RNF10: variants seen among roughly 807,000 people sequenced by gnomAD.
The protein encoded by RNF10 is ring finger protein 10.
Under a neutral mutation model 91.4 loss-of-function variants are expected in RNF10, and 38 were observed. The ratio of observed to expected loss-of-function variants is 0.42; its 90% CI spans 0.32 to 0.54. The LOEUF (loss-of-function observed/expected upper bound fraction) is 0.54, where lower values mean the gene tolerates loss of function less well. Among genes scored for constraint, RNF10 ranks in the 20% least tolerant of loss-of-function variants. RNF10 has a pLI of 0.16. For synonymous variants in RNF10, 364 were observed against 366.3 expected (o/e 0.99, Z 0.07); for missense variants, 945 against 1,012.0 (o/e 0.93, Z 0.90).
chr12:120,555,797 C>CTT (rs371682626), intron 4 of RNF10, among the ~76,000 whole-genome samples: 1 of 145,172 alleles, frequency 6.9e-6, no homozygotes, highest in African/African-American at 2.5e-5. Flanking sequence ...TACCTGGCCT[C>CTT]TTTTTTTTTT....
intron 1 of RNF10, among the ~76,000 whole-genome samples, chr12:120,540,352 C>G (rs568001438): frequency 6.6e-6 from 1 of 152,056 alleles, no homozygotes; most frequent in Non-Finnish European, 1.5e-5. Flanking sequence ...GGTGTGCAGC[C>G]AGGATTGAGA....
At chr12:120,574,289 A>G (rs934771234) in intron 14 of RNF10, among the ~76,000 whole-genome samples, 1 of 151,974 alleles carries the variant, frequency 6.6e-6, no homozygotes, top group Non-Finnish European at 1.5e-5. Context: ...CCCTGCTTGA[A>G]CCCCATGGGG....
intron 6 of RNF10, among the ~76,000 whole-genome samples, chr12:120,557,918 T>C (rs1369289705): frequency 6.6e-6 from 1 of 152,214 alleles, no homozygotes; most frequent in African/African-American, 2.4e-5. Flanking sequence ...TATTACATAG[T>C]GTCTTTCACT....
At chr12:120,574,908 CAA>C (rs1465827114) in intron 14 of RNF10, 1 of 192,394 alleles carries the variant, frequency 5.2e-6, no homozygotes, top group Non-Finnish European at 1.1e-5. Flanking sequence ...GCCTGGGCAA[CAA>C]GAGCGAAACT....
chr12:120,544,810 A>G (rs1872073899), intron 1 of RNF10, among the ~76,000 whole-genome samples: 1 of 152,258 alleles, frequency 6.6e-6, no homozygotes, highest in African/African-American at 2.4e-5. Flanking sequence ...ATAATCACCT[A>G]AGCCTCTGTG....
intron 13 of RNF10, among the ~76,000 whole-genome samples, chr12:120,570,775 A>G (rs369960872): frequency 2.0e-5 from 3 of 152,218 alleles, no homozygotes; most frequent in African/African-American, 4.8e-5. Flanking sequence ...CATAGTGTCT[A>G]CTATCGGGAA....
chr12:120,537,567 G>A (rs910901043), intron 1 of RNF10, among the ~76,000 whole-genome samples: 1 of 152,176 alleles, frequency 6.6e-6, no homozygotes, highest in Non-Finnish European at 1.5e-5. Flanking sequence ...GGCGGAGGTT[G>A]CAGTAAGCCA....
chr12:120,556,928 G>A (rs548827574), intron 4 of RNF10, among the ~76,000 whole-genome samples: 114 of 151,880 alleles, frequency 7.5e-4, no homozygotes, highest in Admixed American at 2.0e-3. Context: ...CGAGGCGGGC[G>A]GATCACAAGG....
intron 3 of RNF10, among the ~76,000 whole-genome samples, chr12:120,552,917 T>G (rs1873334626): frequency 6.6e-6 from 1 of 152,062 alleles, no homozygotes; most frequent in Non-Finnish European, 1.5e-5. Context: ...TAACTTAGTA[T>G]CATGATAAGG....
At chr12:120,567,822 A>AC (rs1555229505) in intron 13 of RNF10, among the ~76,000 whole-genome samples, 1 of 152,084 alleles carries the variant, frequency 6.6e-6, no homozygotes, top group Admixed American at 6.6e-5. Context: ...TTTTAAAAAA[A>AC]CACCACCACC....
chr12:120,534,718 C>G lies in RNF10; in HGVS notation c.-94C>G. On this transcript the variant is annotated 5_prime_UTR_variant, in exon 1 of 17. Coordinates refer to ENST00000325954, the MANE Select transcript of RNF10 (RefSeq NM_014868.5). ...CGCCATGAAGGCCGAGAACCGCTGC[C>G]GCCGCCGACCCCCGCCGGCCCTGAA... The G allele has an allele frequency of 7.1e-7, 1 of 1,406,236 alleles. No homozygotes were observed. The highest frequency in any genetic ancestry group is 9.2e-7 in the Non-Finnish European group (1 of 1,091,772). 87.1% of individuals were successfully genotyped at this position (1,406,236 alleles called of 1,614,324 possible). A position where few individuals can be genotyped will look rare whatever the true frequency, so the allele number is the denominator to read the frequency against.
chr12:120,543,314 A>G (rs1871835908), intron 1 of RNF10, among the ~76,000 whole-genome samples: 1 of 152,168 alleles, frequency 6.6e-6, no homozygotes. Flanking sequence ...CATCTGTGTG[A>G]TTCCTATGAA....
chr12:120,559,570 A>G (rs917608100), intron 6 of RNF10, among the ~76,000 whole-genome samples: 4 of 151,990 alleles, frequency 2.6e-5, no homozygotes, highest in Admixed American at 6.6e-5. Context: ...TTTTTAGTAG[A>G]GACGGGGTTT....
In RNF10 at chr12:120,562,981, A is replaced by G; in HGVS notation, c.1165A>G (p.Arg389Gly). 2 of 1,614,150 alleles carry G rather than the reference A, an allele frequency of 1.2e-6. No individual in the cohort carries two copies. Among genetic ancestry groups the G allele is most frequent in the Non-Finnish European group, 1.7e-6 (2 of 1,180,002 alleles). ...GGCTCTGTCGGGATTGGCCGGAAGC[A>G]GAAGGGAGGTCACTGGTGTTGTGGC... is the stretch of plus-strand genomic sequence containing the variant. ...EEALSGLAGS[R>G]REVTGVVAAL... Residue 389 changes from arginine to glycine, a missense_variant, in exon 8 of 17, where the codon AGA becomes GGA. Coordinates refer to ENST00000325954, the MANE Select transcript of RNF10 (RefSeq NM_014868.5).
chr12:120,545,489 GCCATTTTTAAAAAGGATATGA>G (rs1219655384), intron 1 of RNF10, among the ~76,000 whole-genome samples: 10 of 151,676 alleles, frequency 6.6e-5, no homozygotes, highest in Admixed American at 1.3e-4. Context: ...ACCGCGCCTG[GCCATTTTTAAAAAGGATATGA>G]CTCAATCTGA....
intron 2 of RNF10, among the ~76,000 whole-genome samples, chr12:120,550,819 A>G (rs868437004): frequency 5.7e-4 from 87 of 151,766 alleles, no homozygotes; most frequent in African/African-American, 2.0e-3. Context: ...GGTGGTCTCG[A>G]TCTCCTGACC....
At chr12:120,554,625 A>G in intron 3 of RNF10, 93 bp from the exon 4 acceptor site, 1 of 991,976 alleles carries the variant, frequency 1.0e-6, no homozygotes, top group Non-Finnish European at 1.6e-6. Flanking sequence ...AATGGCCTGC[A>G]TTTGATTTCT....
chr12:120,577,320 C>G lies in RNF10; in HGVS notation c.*654C>G. The G allele has an allele frequency of 2.6e-6, 1 of 383,724 alleles. No homozygotes were observed. The highest frequency in any genetic ancestry group is 5.0e-6 in the Non-Finnish European group (1 of 198,066). 23.8% of individuals were successfully genotyped at this position (383,724 alleles called of 1,614,324 possible). On this transcript the variant is annotated 3_prime_UTR_variant, in exon 17 of 17. Transcript: ENST00000325954. ...TGAGTTGGTAAGGAAAGCTGTAACT[C>G]ACGAAGCCCTGAGACCTGCTACCCC...
At position 120,577,279 on chromosome 12, in the gene RNF10, C is replaced by T. The variant is rs746452403; in HGVS notation, c.*613C>T. On this transcript the variant is annotated 3_prime_UTR_variant, in exon 17 of 17. Coordinates refer to ENST00000325954, the MANE Select transcript of RNF10 (RefSeq NM_014868.5). ...CATGTGTGAAAGGAGGGTTTTGCCTCTTCTTGAGCATGGCTTGAGTTGGTA... is the reference window on the plus strand; with the variant it reads ...CATGTGTGAAAGGAGGGTTTTGCCTTTTCTTGAGCATGGCTTGAGTTGGTA... 2.7e-4 allele frequency: 113 copies of T among 421,868 alleles called. No individual in the cohort carries two copies. The highest frequency in any genetic ancestry group is 1.4e-3 in the Middle Eastern group (4 of 2,866). The allele number at this position is 421,868 out of a possible 1,614,324, so 26.1% of individuals were successfully genotyped here. A position where few individuals can be genotyped will look rare whatever the true frequency, so the allele number is the denominator to read the frequency against.
Sources: gnomAD v4.1 joint callset for allele counts (sites outside exome capture counted in the v4.1 genomes callset) on GRCh38, gnomAD v4.1.1 for gene constraint, MANE v1.5 for transcripts, NCBI Gene and HGNC (gene_info 2026-07-23, HGNC 2026-07-21) for gene names.